Variants in NOMO1 observed in about 807,000 individuals in gnomAD.
NOMO1 encodes the protein nodal modulator 3.
NOMO1 carries 40 observed loss-of-function variants against 133.8 expected under a neutral mutation model. That is an observed-to-expected ratio of 0.30 (90% CI 0.23 to 0.39). The LOEUF is 0.39. NOMO1 is among the 10% of genes least tolerant of loss of function. The pLI is 1.00. For synonymous variants in NOMO1, 236 were observed against 570.5 expected (o/e 0.41, Z 8.36); for missense variants, 462 against 1,419.9 (o/e 0.33, Z 10.84).
At chr16:14,892,583 A>G (rs1333462648) in intron 29 of NOMO1, among the ~76,000 whole-genome samples, 1 of 150,212 alleles carries the variant, frequency 6.7e-6, no homozygotes, top group East Asian at 2.0e-4. Context: ...CATTGTGCAC[A>G]TATATCCTAA....
chr16:14,867,665 GC>G (rs1451003678), intron 15 of NOMO1, among the ~76,000 whole-genome samples: 2 of 149,126 alleles, frequency 1.3e-5, no homozygotes, highest in Admixed American at 1.3e-4. Context: ...ATGTCGAGCG[GC>G]GGCAGATGTC....
At chr16:14,846,403 C>T (rs1395117818) in intron 4 of NOMO1, among the ~76,000 whole-genome samples, 174 bp from the exon 5 acceptor site, 4 of 144,016 alleles carry the variant, frequency 2.8e-5, no homozygotes, top group African/African-American at 5.3e-5. Context: ...TGTTACTGTT[C>T]CCTCTCCTAC....
chr16:14,883,206 G>A (rs990246521), intron 26 of NOMO1, among the ~76,000 whole-genome samples: 6 of 151,968 alleles, frequency 3.9e-5, no homozygotes, highest in Admixed American at 6.5e-5. Context: ...ACTCTCATTG[G>A]GAAGACTAGA....
At chr16:14,887,029 T>A (rs1245479837) in intron 28 of NOMO1, among the ~76,000 whole-genome samples, 167 bp downstream of exon 28, 2 of 152,072 alleles carry the variant, frequency 1.3e-5, no homozygotes, top group Admixed American at 1.3e-4. Context: ...TTCTTCATTG[T>A]TTTTCTGTTT....
intron 1 of NOMO1, among the ~76,000 whole-genome samples, chr16:14,834,765 A>G (rs1179200034): frequency 7.2e-6 from 1 of 139,254 alleles, no homozygotes; most frequent in Non-Finnish European, 1.5e-5. Context: ...TGACCCAGAA[A>G]GGTTCCCGTA....
At chr16:14,867,174 ATATTTTTTT>A (rs1326324791) in intron 15 of NOMO1, among the ~76,000 whole-genome samples, 486 of 13,574 alleles carry the variant, frequency 0.036, 2 homozygotes, top group East Asian at 0.13. Flanking sequence ...ATATATATAT[ATATTTTTTT>A]TTTTTTTTTT....
At position 14,840,574 on chromosome 16, in the gene NOMO1, G is replaced by A. The variant is rs978775402; in HGVS notation, c.256-788G>A. Among the ~76,000 whole-genome samples, 5 of 146,832 alleles carry A rather than the reference G, an allele frequency of 3.4e-5. 1 individual carries two copies. The highest frequency in any genetic ancestry group is 1.0e-4 in the African/African-American group (4 of 39,452). ...TTCACTCCAGCCTGGGCAACAGAGCGAGGCTCCATCTCAAAAAAAAAAAAC... is the reference window on the plus strand; with the variant it reads ...TTCACTCCAGCCTGGGCAACAGAGCAAGGCTCCATCTCAAAAAAAAAAAAC... On this transcript the variant is annotated intron_variant, in intron 2 of 30. Transcript: ENST00000287667.
intron 24 of NOMO1, 23 bp from the exon 25 acceptor site, chr16:14,881,521 C>T (rs779625343): frequency 8.7e-6 from 14 of 1,605,216 alleles, no homozygotes; most frequent in African/African-American, 2.7e-5. Context: ...ATATCTCATT[C>T]GTGCCTGTTC....
chr16:14,882,743 C>A, intron 26 of NOMO1, 66 bp downstream of exon 26: 2 of 1,611,072 alleles, frequency 1.2e-6, no homozygotes, highest in Non-Finnish European at 1.7e-6. Context: ...GTCCTCCCGT[C>A]TCCTCTGGCT....
chr16:14,852,678 T>C (rs1304491098), intron 7 of NOMO1, 96 bp downstream of exon 7: 1 of 778,544 alleles, frequency 1.3e-6, no homozygotes. Context: ...CAGGTCTGAG[T>C]TGATTTATCA....
At chr16:14,876,543 T>C (rs368252457) in intron 21 of NOMO1, 25 bp downstream of exon 21, 17 of 1,611,564 alleles carry the variant, frequency 1.1e-5, no homozygotes, top group Non-Finnish European at 1.3e-5. Context: ...GAGACACATG[T>C]GCCTGGGATC....
chr16:14,871,972 C>T lies in NOMO1; in HGVS notation c.1959-262C>T, dbSNP rs557593965. On this transcript the variant is annotated intron_variant, in intron 17 of 30. Coordinates refer to ENST00000287667, the MANE Select transcript of NOMO1 (RefSeq NM_014287.4). ...AAATCTCCCAGCCCTCACCGATGGG[C>T]GTCTGTCAAGTTCAAGTCTGCCATT... Among the ~76,000 whole-genome samples, 4 of 152,032 alleles carry T rather than the reference C, an allele frequency of 2.6e-5. No homozygotes were observed. In the East Asian group the frequency reaches 7.7e-4, roughly 29 times the overall value.
intron 1 of NOMO1, among the ~76,000 whole-genome samples, chr16:14,835,415 A>G (rs924461893): frequency 1.3e-5 from 2 of 150,944 alleles, no homozygotes; most frequent in African/African-American, 4.9e-5. Context: ...ATGGCTGTAG[A>G]CGGCACAGGG....
At position 14,886,846 on chromosome 16, in the gene NOMO1, T is replaced by A. The variant is rs1458825195; in HGVS notation, c.3308T>A (p.Leu1103Gln). Residue 1103 changes from leucine to glutamine, a missense_variant, in exon 28 of 31, where the codon CTG becomes CAG. Transcript: ENST00000287667. ...TCCCTGTTCTTCCATTTCCCCCCAC[T>A]GCTCAGAGACGGCGAGGTAATGCCT... ...GQSLFFHFPP[L>Q]LRDGENYVVL... 11 of 1,611,704 alleles carry A rather than the reference T, an allele frequency of 6.8e-6. No homozygotes were observed. In the Admixed American group the frequency reaches 1.5e-4, roughly 22 times the overall value.
intron 18 of NOMO1, among the ~76,000 whole-genome samples, chr16:14,873,924 C>T (rs1283607676): frequency 4.6e-5 from 7 of 151,724 alleles, no homozygotes; most frequent in African/African-American, 1.7e-4. Flanking sequence ...TCTTATTTCC[C>T]TTGAACCCTA....
At chr16:14,875,449 T>TCA in intron 20 of NOMO1, 27 bp downstream of exon 20, 1 of 1,151,228 alleles carries the variant, frequency 8.7e-7, no homozygotes, top group Non-Finnish European at 1.3e-6. Context: ...CGAGCGAATG[T>TCA]CACACACACC....
intron 2 of NOMO1, among the ~76,000 whole-genome samples, chr16:14,840,663 A>G (rs1455222135): frequency 2.0e-5 from 3 of 150,052 alleles, no homozygotes; most frequent in African/African-American, 7.4e-5. Context: ...TGAATTAATG[A>G]GTTAATGTAT....
At chr16:14,883,093 C>G (rs1184068435) in intron 26 of NOMO1, among the ~76,000 whole-genome samples, 3 of 152,010 alleles carry the variant, frequency 2.0e-5, no homozygotes, top group African/African-American at 7.3e-5. Flanking sequence ...TTTTGATACT[C>G]AAGATCATGA....
chr16:14,866,667 T>C lies in NOMO1; in HGVS notation c.1782T>C (p.Cys594=). ...EFRQTGYMLR[C]SLSHAITLEF... ...GGCAGACGGGCTACATGCTGAGATGTTCCCTGTCTCACGCCATCACTCTGG... is the reference window on the plus strand; with the variant it reads ...GGCAGACGGGCTACATGCTGAGATGCTCCCTGTCTCACGCCATCACTCTGG... The change falls in exon 15 of 31, where the codon TGT becomes TGC. Residue 594 remains cysteine (C), a synonymous_variant. Coordinates refer to ENST00000287667, the MANE Select transcript of NOMO1 (RefSeq NM_014287.4). The C allele has an allele frequency of 1.3e-5, 21 of 1,610,168 alleles. No homozygotes were observed. Among genetic ancestry groups the C allele is most frequent in the Non-Finnish European group, 1.8e-5 (21 of 1,179,732 alleles).
Sources: gnomAD v4.1 joint callset for allele counts (sites outside exome capture counted in the v4.1 genomes callset) on GRCh38, gnomAD v4.1.1 for gene constraint, MANE v1.5 for transcripts, NCBI Gene and HGNC (gene_info 2026-07-23, HGNC 2026-07-21) for gene names.